Variants in PGAP2 observed in about 807,000 individuals in gnomAD.
PGAP2 encodes the protein post-GPI attachment to proteins 2, also known as acyltransferase PGAP2.
A neutral mutation model predicts 33.2 loss-of-function variants in PGAP2; 21 were observed. The observed-to-expected ratio is 0.63, with a 90% CI of 0.45 to 0.91. The LOEUF is 0.91. PGAP2 is among the 40% of genes least tolerant of loss of function. PGAP2 has a pLI of 0.00. For missense variants in PGAP2, 345 were observed against 424.0 expected (o/e 0.81, Z 1.64); for synonymous variants, 161 against 172.9 (o/e 0.93, Z 0.54).
upstream of PGAP2, among the ~76,000 whole-genome samples, chr11:3,805,153 T>C (rs2084100314): frequency 1.3e-5 from 2 of 152,148 alleles, no homozygotes; most frequent in South Asian, 4.1e-4. Context: ...GTTCACACTG[T>C]GGCTGACATG....
At chr11:3,814,786 TTC>T (rs1324481382) in intron 2 of PGAP2, among the ~76,000 whole-genome samples, 3 of 108,648 alleles carry the variant, frequency 2.8e-5, no homozygotes, top group African/African-American at 8.3e-5. Context: ...CTTTCTTTCT[TTC>T]TTTCTTTCTT....
intron 1 of PGAP2, chr11:3,798,154 C>T (rs777601877): frequency 7.0e-7 from 1 of 1,425,022 alleles, no homozygotes; most frequent in Non-Finnish European, 9.1e-7. Context: ...TAAATCCTGA[C>T]CCTATTCTCT....
At chr11:3,824,928 T>C in intron 5 of PGAP2, 92 bp from the exon 6 acceptor site, 1 of 1,564,886 alleles carries the variant, frequency 6.4e-7, no homozygotes, top group Non-Finnish European at 8.6e-7. Flanking sequence ...CCAAGGGAGA[T>C]AAGGCCCAGC....
rs2087283047 is a variant in PGAP2 at position 3,817,350 on chromosome 11, T to G, written c.166-3T>G. On this transcript the variant is annotated splice_region_variant and splice_polypyrimidine_tract_variant and intron_variant, in intron 2 of 6. Transcript: ENST00000278243. Reference sequence around the variant, plus strand: ...CCCAAGTTGTATCCCTCGTGCTGCTTAGGCCACGCCCTGCAGGATGTTCTC... The same window carrying G: ...CCCAAGTTGTATCCCTCGTGCTGCTGAGGCCACGCCCTGCAGGATGTTCTC... The G allele has an allele frequency of 1.9e-6, 3 of 1,610,936 alleles. No homozygotes were observed. Among genetic ancestry groups the G allele is most frequent in the Non-Finnish European group, 2.5e-6 (3 of 1,178,138 alleles).
At chr11:3,800,222 T>G (rs1418821868) in intron 1 of PGAP2, among the ~76,000 whole-genome samples, 1 of 152,212 alleles carries the variant, frequency 6.6e-6, no homozygotes, top group African/African-American at 2.4e-5. Flanking sequence ...CCCTAGATAG[T>G]TACAGTAGCT....
At position 3,824,304 on chromosome 11, in the gene PGAP2, C is replaced by G. The variant is rs1208929351; in HGVS notation, c.636C>G (p.Ala212=). Residue 212 remains alanine, a synonymous_variant, in exon 5 of 7, where the codon GCC becomes GCG. Transcript: ENST00000278243. ...IHENAFIVFI[A]SSLGHMLLTC... ...AAAATGCTTTCATTGTGTTCATTGC[C>G]TCATCCCTCGGGCACATGCTCCTCA... 1 of 1,614,142 alleles carries G rather than the reference C, an allele frequency of 6.2e-7. No homozygotes were observed. Among genetic ancestry groups the G allele is most frequent in the East Asian group, 2.2e-5 (1 of 44,900 alleles).
chr11:3,808,819 A>C (rs1181689059), intron 1 of PGAP2, among the ~76,000 whole-genome samples, 168 bp downstream of exon 1: 1 of 152,144 alleles, frequency 6.6e-6, no homozygotes, highest in South Asian at 2.1e-4. Flanking sequence ...GGACTTGCCG[A>C]GCTGGCCCCC....
At chr11:3,823,675 A>G (rs760079759) in intron 3 of PGAP2, 11 of 1,563,396 alleles carry the variant, frequency 7.0e-6, no homozygotes, top group Non-Finnish European at 9.5e-6. Context: ...AAATCCCAGG[A>G]TAGCTGGGGA....
intron 6 of PGAP2, 81 bp from the exon 7 acceptor site, chr11:3,825,247 A>T (rs1455117502): frequency 6.4e-7 from 1 of 1,563,794 alleles, no homozygotes; most frequent in Non-Finnish European, 8.8e-7. Flanking sequence ...TGGCAGACCA[A>T]TGGTGGTGTG....
intron 3 of PGAP2, chr11:3,817,740 G>A: frequency 1.4e-6 from 1 of 691,586 alleles, no homozygotes. Context: ...TGAGTTGGAA[G>A]ATGATGATAG....
chr11:3,815,302 GTCT>G (rs201753749), intron 2 of PGAP2, among the ~76,000 whole-genome samples: 4,801 of 150,424 alleles, frequency 0.032, 270 homozygotes, highest in African/African-American at 0.11. Context: ...CCTTGAGTCT[GTCT>G]TCTTCTTTTT....
At chr11:3,803,821 C>T (rs2083880503), upstream of PGAP2, among the ~76,000 whole-genome samples, 1 of 148,932 alleles carries the variant, frequency 6.7e-6, no homozygotes, top group Non-Finnish European at 1.5e-5. Context: ...GACACAGTCT[C>T]ATTGTGTCGC....
upstream of PGAP2, chr11:3,808,401 G>T (rs1263093930): frequency 1.3e-6 from 2 of 1,547,520 alleles, no homozygotes; most frequent in Non-Finnish European, 1.7e-6. Flanking sequence ...CGAAATTAGT[G>T]GGGGCAGACC....
chr11:3,801,597 G>A (rs192275174), intron 1 of PGAP2, among the ~76,000 whole-genome samples: 2,393 of 135,544 alleles, frequency 0.018, 72 homozygotes, highest in African/African-American at 0.062. Context: ...AGCAGAGATC[G>A]CGCCACTGCA....
At chr11:3,825,170 C>A (rs369259025) in intron 6 of PGAP2, 42 bp downstream of exon 6, 3 of 1,595,130 alleles carry the variant, frequency 1.9e-6, no homozygotes, top group East Asian at 2.2e-5. Flanking sequence ...TGAGTGGCTG[C>A]GGGGCAGCAA....
intron 2 of PGAP2, among the ~76,000 whole-genome samples, chr11:3,815,411 C>T (rs1317566513): frequency 2.0e-5 from 3 of 151,962 alleles, no homozygotes; most frequent in South Asian, 2.1e-4. Flanking sequence ...CAGGTTCAAG[C>T]GATTCTCCTG....
At chr11:3,825,287 T>G (rs1295983710) in intron 6 of PGAP2, 41 bp from the exon 7 acceptor site, 1 of 1,603,096 alleles carries the variant, frequency 6.2e-7, no homozygotes, top group Non-Finnish European at 8.5e-7. Flanking sequence ...AGCGGGTAGC[T>G]GGAAGTTCAC....
chr11:3,825,159 A>G (rs781148045), intron 6 of PGAP2, 31 bp downstream of exon 6: 4 of 1,607,214 alleles, frequency 2.5e-6, no homozygotes, highest in Non-Finnish European at 3.4e-6. Flanking sequence ...ACAGGCGGTC[A>G]TGAGTGGCTG....
At position 3,826,242 on chromosome 11, in the gene PGAP2, T is replaced by C. The variant is rs926747905; in HGVS notation, c.*784T>C. 1.3e-5 allele frequency: 2 copies of C among 152,226 alleles called. No homozygotes were observed. Among genetic ancestry groups the C allele is most frequent in the Admixed American group, 1.3e-4 (2 of 15,278 alleles). 9.4% of individuals were successfully genotyped at this position (152,226 alleles called of 1,614,324 possible). On this transcript the variant is annotated 3_prime_UTR_variant, in exon 7 of 7. Coordinates refer to ENST00000278243, the MANE Select transcript of PGAP2 (RefSeq NM_014489.4). The stretch of plus-strand genomic sequence containing the variant: ...GGGATAGAGGGGTCAGATGCAGATC[T>C]CTACTGTAAAATGGGCTCCCTGGTA...
Sources: allele counts gnomAD v4.1 joint callset (sites outside exome capture counted in the v4.1 genomes callset), GRCh38; gene constraint gnomAD v4.1.1; transcripts MANE v1.5; gene names NCBI Gene and HGNC (gene_info 2026-07-23, HGNC 2026-07-21).